The following BRINP3 variants were observed in gnomAD, a reference collection of about 807,000 sequenced individuals.
The protein encoded by BRINP3 is BMP/retinoic acid inducible neural specific 3, also known as BMP/retinoic acid-inducible neural-specific protein 3.
In BRINP3, 19 loss-of-function variants were observed where a neutral mutation model predicts 71.0. That is an observed-to-expected ratio of 0.27 (90% CI 0.19 to 0.39). The LOEUF is 0.39. BRINP3 is among the 10% of genes least tolerant of loss of function. BRINP3 has a pLI of 1.00. For missense variants in BRINP3, 959 were observed against 940.8 expected, an observed-to-expected ratio of 1.02 and a Z score of -0.25; for synonymous variants, 380 against 337.7, an observed-to-expected ratio of 1.13 and a Z score of -1.37.
At chr1:190,356,544 G>T (rs1668742742) in intron 2 of BRINP3, among the ~76,000 whole-genome samples, 1 of 151,904 alleles carries the variant, frequency 6.6e-6, no homozygotes, top group African/African-American at 2.4e-5. Context: ...CAGGAGGATA[G>T]CATCATCAAC....
rs1268377492 is a variant in BRINP3 at position 190,301,234 on chromosome 1, T to TATATATAC, written c.237-19485_237-19484insGTATATAT. Among the ~76,000 whole-genome samples the TATATATAC allele has an allele frequency of 1.5e-3, 190 of 123,358 alleles. 3 individuals are homozygous for TATATATAC. Among genetic ancestry groups the TATATATAC allele is most frequent in the African/African-American group, 5.0e-3 (152 of 30,266 alleles). 80.9% of individuals were successfully genotyped at this position (123,358 alleles called of 152,430 possible). A position where few individuals can be genotyped will look rare whatever the true frequency, so the allele number is the denominator to read the frequency against. On this transcript the variant is annotated intron_variant, in intron 2 of 7. Coordinates refer to ENST00000367462, the MANE Select transcript of BRINP3 (RefSeq NM_199051.3). Reference sequence around the variant, plus strand: ...ATATATATATATATATATATATATATACACACATACATATATATATATATC... The same window carrying TATATATAC: ...ATATATATATATATATATATATATATATATATACACACACATACATATATATATATATC...
chr1:190,392,717 G>A (rs750069148), intron 2 of BRINP3, among the ~76,000 whole-genome samples: 8 of 151,454 alleles, frequency 5.3e-5, no homozygotes, highest in Non-Finnish European at 4.4e-5. Flanking sequence ...AAACCTCCAT[G>A]TACAGTAGGG....
At position 190,282,188 on chromosome 1, in the gene BRINP3, C is replaced by T. The variant is rs1353808809; in HGVS notation, c.237-438G>A. Among the ~76,000 whole-genome samples the T allele has an allele frequency of 2.0e-5, 3 of 151,192 alleles. No individual in the cohort carries two copies. In the Admixed American group the frequency reaches 2.0e-4, roughly 10 times the overall value. On this transcript the variant is annotated intron_variant, in intron 2 of 7. Coordinates refer to ENST00000367462, the MANE Select transcript of BRINP3 (RefSeq NM_199051.3). ...ACTTTAGAGTGGGAACATAAAAAAC[C>T]TCAGGAATATTAAGGAGACGCAGAA...
At chr1:190,316,895 G>A (rs969746233) in intron 2 of BRINP3, among the ~76,000 whole-genome samples, 1 of 151,974 alleles carries the variant, frequency 6.6e-6, no homozygotes, top group Non-Finnish European at 1.5e-5. Flanking sequence ...AAATGTGGCC[G>A]GGTGTGGTGG....
At chr1:190,358,152 T>A (rs956510724) in intron 2 of BRINP3, among the ~76,000 whole-genome samples, 1 of 151,974 alleles carries the variant, frequency 6.6e-6, no homozygotes, top group Admixed American at 6.6e-5. Context: ...AAGACAAAAT[T>A]GACAAATAGG....
intron 6 of BRINP3, among the ~76,000 whole-genome samples, chr1:190,177,165 T>TA (rs1652600880): frequency 2.4e-5 from 3 of 125,686 alleles, no homozygotes; most frequent in Admixed American, 7.8e-5. Flanking sequence ...TTTTTTTTTT[T>TA]TTTTTTTTTT....
intron 2 of BRINP3, among the ~76,000 whole-genome samples, chr1:190,314,558 T>C (rs1665754168): frequency 6.6e-6 from 1 of 152,160 alleles, no homozygotes; most frequent in African/African-American, 2.4e-5. Context: ...GCTGGACTAA[T>C]GGGGGCATTA....
In BRINP3 at chr1:190,454,921, T is replaced by C. The variant is rs775985248; in HGVS notation, c.-31A>G. On this transcript the variant is annotated 5_prime_UTR_variant, in exon 2 of 8. Coordinates refer to ENST00000367462, the MANE Select transcript of BRINP3 (RefSeq NM_199051.3). ...CACTGGGGATTTAGAGCCTTCATTC[T>C]CTCAGCTTTCCCTCAACACCTAGAC... is the stretch of plus-strand genomic sequence containing the variant. 2.1e-4 allele frequency: 328 copies of C among 1,573,372 alleles called. No individual in the cohort carries two copies. The highest frequency in any genetic ancestry group is 2.8e-4 in the Non-Finnish European group (323 of 1,145,602).
Position 190,098,052 on chromosome 1 carries a change from G to T in BRINP3, c.2267C>A (p.Thr756Lys), listed in dbSNP as rs141719999. The T allele has an allele frequency of 1.8e-5, 29 of 1,613,420 alleles. No individual in the cohort carries two copies. The highest frequency in any genetic ancestry group is 6.7e-5 in the Admixed American group (4 of 59,896). Reference protein sequence around the residue: ...LQAFNAKLPNTMDYDTTKLCS With the variant: ...LQAFNAKLPNKMDYDTTKLCS ...TAATTTGGTCGTGTCATAATCCATTGTGTTTGGCAATTTGGCATTAAACGC... is the reference window on the plus strand; with the variant it reads ...TAATTTGGTCGTGTCATAATCCATTTTGTTTGGCAATTTGGCATTAAACGC... The change falls in exon 8 of 8, where the codon ACA (threonine) becomes AAA (lysine). Residue 756 changes from threonine (T) to lysine (K), a missense_variant. Coordinates refer to ENST00000367462, the MANE Select transcript of BRINP3 (RefSeq NM_199051.3).
intron 3 of BRINP3, among the ~76,000 whole-genome samples, chr1:190,271,749 T>C (rs1662130584): frequency 6.6e-6 from 1 of 151,626 alleles, no homozygotes; most frequent in Non-Finnish European, 1.5e-5. Context: ...CATATGTCTT[T>C]GCTTTTCAGG....
At chr1:190,143,752 T>A (rs1447927764) in intron 7 of BRINP3, among the ~76,000 whole-genome samples, 1 of 152,160 alleles carries the variant, frequency 6.6e-6, no homozygotes, top group Admixed American at 6.6e-5. Flanking sequence ...TACTGAGGTA[T>A]GCCATGACTA....
chr1:190,161,283 T>C (rs2102461010), intron 6 of BRINP3, among the ~76,000 whole-genome samples: 1 of 152,022 alleles, frequency 6.6e-6, no homozygotes, highest in South Asian at 2.1e-4. Flanking sequence ...AATAATCCTT[T>C]GTATATTTAA....
intron 6 of BRINP3, among the ~76,000 whole-genome samples, chr1:190,195,214 G>T (rs1654373263): frequency 1.3e-5 from 2 of 151,702 alleles, no homozygotes; most frequent in Admixed American, 6.6e-5. Context: ...TATAGTTTTG[G>T]TTACATCTAT....
intron 6 of BRINP3, among the ~76,000 whole-genome samples, chr1:190,215,636 T>G (rs2102665974): frequency 6.6e-6 from 1 of 152,046 alleles, no homozygotes; most frequent in African/African-American, 2.4e-5. Flanking sequence ...GTATTCAAAT[T>G]ATTTGGCTTT....
At chr1:190,449,096 G>T (rs1005482117) in intron 2 of BRINP3, among the ~76,000 whole-genome samples, 2 of 151,700 alleles carry the variant, frequency 1.3e-5, no homozygotes, top group African/African-American at 4.8e-5. Flanking sequence ...TCTCTTTATT[G>T]TTAAATACTG....
chr1:190,170,901 CTCTA>C lies in BRINP3; in HGVS notation c.962-10015_962-10012del, dbSNP rs568168089. Among the ~76,000 whole-genome samples the C allele has an allele frequency of 2.9e-3, 448 of 152,226 alleles. 4 individuals carry two copies. The highest frequency in any genetic ancestry group is 0.01 in the African/African-American group (425 of 41,546). On this transcript the variant is annotated intron_variant, in intron 6 of 7. Transcript: ENST00000367462. ...TTATAGGCCCTTAACACTCTTAACT[CTCTA>C]TCTTAGTTATTGCTGTAATGTCTGC...
At chr1:190,318,150 C>A (rs1571732206) in intron 2 of BRINP3, among the ~76,000 whole-genome samples, 1 of 152,006 alleles carries the variant, frequency 6.6e-6, no homozygotes, top group African/African-American at 2.4e-5. Context: ...TTAATAGTAG[C>A]CCAAACTACC....
intron 7 of BRINP3, among the ~76,000 whole-genome samples, chr1:190,151,898 G>A (rs1313920169): frequency 6.6e-6 from 1 of 152,100 alleles, no homozygotes. Flanking sequence ...GAGAAAAGAT[G>A]ACGTGACACT....
chr1:190,451,914 A>G (rs1571348076), intron 2 of BRINP3, among the ~76,000 whole-genome samples: 1 of 152,172 alleles, frequency 6.6e-6, no homozygotes, highest in East Asian at 1.9e-4. Flanking sequence ...TGACCTAATT[A>G]TATTAACAGG....
Sources: gnomAD v4.1 joint callset for allele counts (sites outside exome capture counted in the v4.1 genomes callset) on GRCh38, gnomAD v4.1.1 for gene constraint, MANE v1.5 for transcripts, NCBI Gene and HGNC (gene_info 2026-07-23, HGNC 2026-07-21) for gene names.